GALNT13: variants seen among roughly 807,000 people sequenced by gnomAD.
GALNT13 encodes UDP-GalNAc:polypeptide N-acetylgalactosaminyltransferase 13.
A neutral mutation model predicts 64.2 loss-of-function variants in GALNT13; 28 were observed. The observed-to-expected ratio is 0.44, with a 90% CI of 0.32 to 0.60. The LOEUF (loss-of-function observed/expected upper bound fraction) is 0.60, where lower values mean the gene tolerates loss of function less well. Among genes scored for constraint, GALNT13 ranks in the 20% least tolerant of loss-of-function variants. The probability of loss-of-function intolerance (pLI) is 0.05; values close to 1 mark genes in which losing one functional copy is unlikely to be tolerated. For missense variants in GALNT13, 577 were observed against 669.8 expected (o/e 0.86, Z 1.53); for synonymous variants, 214 against 224.6 (o/e 0.95, Z 0.42).
chr2:153,148,209 C>G, the GALNT13 span, among the ~76,000 whole-genome samples: 2 of 151,798 alleles, frequency 1.3e-5, no homozygotes, highest in African/African-American at 2.4e-5. Flanking sequence ...TAAATTACTC[C>G]TTTGTGGGTG....
chr2:153,121,155 T>C, the GALNT13 span, among the ~76,000 whole-genome samples: 1 of 152,312 alleles, frequency 6.6e-6, no homozygotes, highest in East Asian at 1.9e-4. Context: ...TCATTTGAGC[T>C]GTGTGCTGCA....
At chr2:154,396,498 A>G (rs1277267577) in intron 10 of GALNT13, among the ~76,000 whole-genome samples, 2 of 152,190 alleles carry the variant, frequency 1.3e-5, no homozygotes, top group African/African-American at 4.8e-5. Context: ...TACTAATTAA[A>G]CGTTATATAA....
the GALNT13 span, among the ~76,000 whole-genome samples, chr2:153,765,750 GTA>G: frequency 2.0e-5 from 3 of 152,110 alleles, no homozygotes; most frequent in Non-Finnish European, 4.4e-5. Flanking sequence ...ACCTTGAAGT[GTA>G]ATAATCCCCT....
At chr2:154,155,276 C>T (rs1684340753) in intron 4 of GALNT13, among the ~76,000 whole-genome samples, 1 of 151,850 alleles carries the variant, frequency 6.6e-6, no homozygotes, top group Non-Finnish European at 1.5e-5. Context: ...TAAAAACAGC[C>T]ATTTGAAAGT....
intron 9 of GALNT13, among the ~76,000 whole-genome samples, chr2:154,326,547 C>A (rs532093540): frequency 3.3e-5 from 5 of 151,988 alleles, no homozygotes; most frequent in African/African-American, 1.2e-4. Context: ...CCTAGGAGAA[C>A]CAGTAATTTC....
the GALNT13 span, among the ~76,000 whole-genome samples, chr2:153,095,425 T>A: frequency 6.6e-6 from 1 of 152,210 alleles, no homozygotes; most frequent in African/African-American, 2.4e-5. Context: ...ATAGGAACTT[T>A]TACACTGTTG....
At chr2:154,169,546 C>T (rs1302683671) in intron 4 of GALNT13, among the ~76,000 whole-genome samples, 1 of 152,058 alleles carries the variant, frequency 6.6e-6, no homozygotes, top group African/African-American at 2.4e-5. Flanking sequence ...GACACGACAC[C>T]CTTCAAAACT....
chr2:154,331,585 G>A (rs1402150936), intron 9 of GALNT13, among the ~76,000 whole-genome samples: 1 of 151,970 alleles, frequency 6.6e-6, no homozygotes, highest in African/African-American at 2.4e-5. Context: ...CAGGTGTGAG[G>A]CACTGTGCCT....
chr2:153,136,974 C>T, the GALNT13 span, among the ~76,000 whole-genome samples: 2 of 151,844 alleles, frequency 1.3e-5, no homozygotes, highest in South Asian at 4.1e-4. Flanking sequence ...AAGGCCCTCT[C>T]CCGAGGTGAA....
At chr2:153,749,201 A>T in the GALNT13 span, among the ~76,000 whole-genome samples, 8 of 151,892 alleles carry the variant, frequency 5.3e-5, no homozygotes, top group Admixed American at 2.0e-4. Flanking sequence ...GTCTGTTTTC[A>T]TGACAGTGCC....
At chr2:153,862,654 A>G in the GALNT13 span, among the ~76,000 whole-genome samples, 1 of 151,944 alleles carries the variant, frequency 6.6e-6, no homozygotes, top group Admixed American at 6.6e-5. Flanking sequence ...TTCTTATTTT[A>G]CTATACCTTA....
At chr2:153,224,651 T>C in the GALNT13 span, among the ~76,000 whole-genome samples, 5 of 152,132 alleles carry the variant, frequency 3.3e-5, no homozygotes, top group Non-Finnish European at 7.4e-5. Context: ...ATTACCAATA[T>C]AACTGATGAA....
chr2:153,140,787 C>T, the GALNT13 span, among the ~76,000 whole-genome samples: 10 of 151,852 alleles, frequency 6.6e-5, no homozygotes, highest in Admixed American at 2.6e-4. Flanking sequence ...TTGAATTCAC[C>T]GAAAGAAAAC....
At chr2:153,675,796 C>G in the GALNT13 span, among the ~76,000 whole-genome samples, 1 of 152,056 alleles carries the variant, frequency 6.6e-6, no homozygotes, top group African/African-American at 2.4e-5. Context: ...GGGCAGAAAT[C>G]AAGAAATTCT....
upstream of GALNT13, among the ~76,000 whole-genome samples, chr2:153,867,930 A>G (rs1685793830): frequency 6.6e-6 from 1 of 152,146 alleles, no homozygotes; most frequent in Non-Finnish European, 1.5e-5. Context: ...TGGCTCACCC[A>G]TCCCTCATAT....
At chr2:153,357,554 G>A in the GALNT13 span, 1 of 152,092 alleles carries the variant, frequency 6.6e-6, no homozygotes, top group Admixed American at 6.6e-5. Context: ...AAGCAATTTG[G>A]GGCCATAAAC....
At chr2:154,413,923 A>T (rs1442973045) in intron 11 of GALNT13, among the ~76,000 whole-genome samples, 1 of 152,112 alleles carries the variant, frequency 6.6e-6, no homozygotes, top group Non-Finnish European at 1.5e-5. Context: ...TTGTAGCTAA[A>T]ATCTGGCAAG....
the GALNT13 span, among the ~76,000 whole-genome samples, chr2:153,418,412 A>G: frequency 1.3e-5 from 2 of 152,196 alleles, no homozygotes; most frequent in Admixed American, 6.5e-5. Flanking sequence ...TAATTTGCCA[A>G]GAGAGGGATA....
At chr2:154,187,246 T>G (rs1686301588) in intron 4 of GALNT13, among the ~76,000 whole-genome samples, 2 of 152,092 alleles carry the variant, frequency 1.3e-5, no homozygotes, top group South Asian at 2.1e-4. Context: ...TTAAAATGTT[T>G]TAGACACATA....
Sources: allele counts gnomAD v4.1 joint callset (sites outside exome capture counted in the v4.1 genomes callset), GRCh38; gene constraint gnomAD v4.1.1; transcripts MANE v1.5; gene names NCBI Gene and HGNC (gene_info 2026-07-23, HGNC 2026-07-21).